Variants in CBFA2T3 observed in about 807,000 individuals in gnomAD.
CBFA2T3 encodes transcriptional corepressor CBFA2T3.
In CBFA2T3, 31 loss-of-function variants were observed where a neutral mutation model predicts 58.6. That is an observed-to-expected ratio of 0.53 (90% CI 0.40 to 0.71). The LOEUF (loss-of-function observed/expected upper bound fraction) is 0.71. Among genes scored for constraint, CBFA2T3 ranks in the 30% least tolerant of loss-of-function variants. CBFA2T3 has a pLI of 0.00. For missense variants in CBFA2T3, 1,076 were observed against 963.1 expected, an observed-to-expected ratio of 1.12 and a Z score of -1.55; for synonymous variants, 531 against 421.9, an observed-to-expected ratio of 1.26 and a Z score of -3.17.
chr16:88,917,151 C>T (rs1233858274), intron 1 of CBFA2T3, among the ~76,000 whole-genome samples: 10 of 152,178 alleles, frequency 6.6e-5, no homozygotes, highest in Admixed American at 2.0e-4. Flanking sequence ...CATCGGCTGT[C>T]GGCTGACCCC....
chr16:88,912,296 A>G (rs539229675), intron 1 of CBFA2T3, among the ~76,000 whole-genome samples: 2 of 152,358 alleles, frequency 1.3e-5, no homozygotes, highest in African/African-American at 4.8e-5. Context: ...AGGGCTCGCC[A>G]AAGAAATGCG....
At chr16:88,919,132 C>T (rs2142730373) in intron 1 of CBFA2T3, among the ~76,000 whole-genome samples, 1 of 152,260 alleles carries the variant, frequency 6.6e-6, no homozygotes, top group Non-Finnish European at 1.5e-5. Context: ...GTGTTTTTAC[C>T]TTTCTCAGCA....
intron 1 of CBFA2T3, among the ~76,000 whole-genome samples, chr16:88,946,817 A>G (rs1023537793): frequency 1.3e-5 from 2 of 148,198 alleles, no homozygotes; most frequent in South Asian, 2.2e-4. Context: ...ACAGGGTCTC[A>G]CTCTGTCTCC....
In CBFA2T3 at chr16:88,934,054, G is replaced by A. The variant is rs986653284; in HGVS notation, c.152-32398C>T. Reference sequence around the variant, plus strand: ...TATATTATAAACATTAATTTTGCCCGGTCTCTTCTTCCCTTTTTCAACGTG... The same window carrying A: ...TATATTATAAACATTAATTTTGCCCAGTCTCTTCTTCCCTTTTTCAACGTG... On this transcript the variant is annotated intron_variant, in intron 1 of 11. Transcript: ENST00000268679. Among the ~76,000 whole-genome samples the A allele has an allele frequency of 4.6e-5, 7 of 152,320 alleles. No homozygotes were observed. The East Asian group carries it at 7.7e-4, about 17-fold the overall frequency.
intron 2 of CBFA2T3, among the ~76,000 whole-genome samples, chr16:88,900,165 G>A (rs538459446): frequency 7.2e-5 from 11 of 152,358 alleles, no homozygotes; most frequent in African/African-American, 2.2e-4. Flanking sequence ...GGCCGGCCCC[G>A]CGGGTGCAGG....
At position 88,881,509 on chromosome 16, in the gene CBFA2T3, C is replaced by A; in HGVS notation, c.1204-20G>T. 1 of 1,593,476 alleles carries A rather than the reference C, an allele frequency of 6.3e-7. No individual in the cohort carries two copies. The stretch of plus-strand genomic sequence containing the variant: ...CAGGAGCTGGGGGCGGGCGGCGCAG[C>A]CTTCAGCACCTCAGAGGGACCGGGA... On this transcript the variant is annotated intron_variant, in intron 8 of 11. Coordinates refer to ENST00000268679, the MANE Select transcript of CBFA2T3 (RefSeq NM_005187.6).
intron 1 of CBFA2T3, among the ~76,000 whole-genome samples, chr16:88,926,389 T>G (rs1427008452): frequency 2.0e-5 from 3 of 152,150 alleles, no homozygotes; most frequent in African/African-American, 7.2e-5. Flanking sequence ...TGCTATGGGC[T>G]GGGGGGCGTC....
At chr16:88,918,859 G>A (rs1212044171) in intron 1 of CBFA2T3, among the ~76,000 whole-genome samples, 1 of 152,226 alleles carries the variant, frequency 6.6e-6, no homozygotes, top group Non-Finnish European at 1.5e-5. Flanking sequence ...GGCTCGCCGG[G>A]TTATCAGTGT....
intron 5 of CBFA2T3, among the ~76,000 whole-genome samples, chr16:88,888,116 C>A (rs1969456344): frequency 6.6e-6 from 1 of 152,052 alleles, no homozygotes; most frequent in South Asian, 2.1e-4. Flanking sequence ...TCCTTTCCCA[C>A]CACCCCGTGA....
intron 11 of CBFA2T3, among the ~76,000 whole-genome samples, chr16:88,877,792 G>A (rs1051657062): frequency 6.6e-6 from 1 of 152,210 alleles, no homozygotes; most frequent in Non-Finnish European, 1.5e-5. Context: ...GGCAGAGGGG[G>A]TGGGGGATGC....
intron 1 of CBFA2T3, among the ~76,000 whole-genome samples, chr16:88,925,800 C>T (rs1190788090): frequency 2.0e-5 from 3 of 152,186 alleles, no homozygotes; most frequent in South Asian, 4.1e-4. Context: ...TGCTCCCCGG[C>T]GACGGGCTTT....
intron 1 of CBFA2T3, among the ~76,000 whole-genome samples, chr16:88,944,204 G>A (rs1971842025): frequency 6.6e-6 from 1 of 151,942 alleles, no homozygotes; most frequent in African/African-American, 2.4e-5. Flanking sequence ...GGGCGTGGTT[G>A]CAGGTGCCTG....
intron 5 of CBFA2T3, among the ~76,000 whole-genome samples, chr16:88,888,017 C>G (rs1201209818): frequency 1.3e-5 from 2 of 152,186 alleles, no homozygotes; most frequent in Non-Finnish European, 2.9e-5. Flanking sequence ...GGTCATTTAA[C>G]CTCTCTGACC....
At chr16:88,906,118 C>G (rs1970323572) in intron 1 of CBFA2T3, among the ~76,000 whole-genome samples, 1 of 152,132 alleles carries the variant, frequency 6.6e-6, no homozygotes, top group Non-Finnish European at 1.5e-5. Flanking sequence ...TATTATCCTC[C>G]TCTATCCCTG....
intron 1 of CBFA2T3, among the ~76,000 whole-genome samples, chr16:88,973,132 C>T (rs548803368): frequency 4.9e-4 from 75 of 152,368 alleles, no homozygotes; most frequent in African/African-American, 1.7e-3. Flanking sequence ...CCCCTCCCAC[C>T]GCGCCCCCTT....
chr16:88,891,748 C>T (rs887473410), intron 5 of CBFA2T3, 134 bp downstream of exon 5: 7 of 658,388 alleles, frequency 1.1e-5, no homozygotes, highest in African/African-American at 5.4e-5. Flanking sequence ...ATGCCTCACA[C>T]CTCTTCATCC....
At chr16:88,904,890 C>T (rs192715480) in intron 1 of CBFA2T3, among the ~76,000 whole-genome samples, 4 of 152,294 alleles carry the variant, frequency 2.6e-5, no homozygotes, top group East Asian at 1.9e-4. Context: ...GAAGATGACG[C>T]GGAGTTCCCC....
chr16:88,972,787 C>T (rs776138394), intron 1 of CBFA2T3, among the ~76,000 whole-genome samples: 2 of 152,204 alleles, frequency 1.3e-5, no homozygotes, highest in Non-Finnish European at 2.9e-5. Flanking sequence ...CCCCCCAACA[C>T]CATGTGGTCA....
chr16:88,887,419 C>T (rs1006438120), intron 5 of CBFA2T3, among the ~76,000 whole-genome samples: 3 of 152,082 alleles, frequency 2.0e-5, no homozygotes, highest in Admixed American at 6.5e-5. Context: ...GCTGTTAGGG[C>T]GGGGAGAACA....
Sources: allele counts gnomAD v4.1 joint callset (sites outside exome capture counted in the v4.1 genomes callset), GRCh38; gene constraint gnomAD v4.1.1; transcripts MANE v1.5; gene names NCBI Gene and HGNC (gene_info 2026-07-23, HGNC 2026-07-21).